PPP4C: variants seen among roughly 807,000 people sequenced by gnomAD.
PPP4C encodes protein phosphatase 4 catalytic subunit.
In PPP4C, 10 loss-of-function variants were observed where a neutral mutation model predicts 40.5. The observed-to-expected ratio is 0.25, with a 90% CI of 0.15 to 0.42. The LOEUF is 0.42. Ranked by LOEUF, PPP4C falls within the 10% of genes least tolerant of loss-of-function variation. The pLI is 1.00. For missense variants in PPP4C, 191 were observed against 416.4 expected (o/e 0.46, Z 4.71); for synonymous variants, 187 against 163.6 (o/e 1.14, Z -1.09).
At chr16:30,076,253 G>T (rs980321708) in intron 1 of PPP4C, 62 bp from the exon 2 acceptor site, 5 of 963,148 alleles carry the variant, frequency 5.2e-6, no homozygotes, top group Non-Finnish European at 7.7e-6. Context: ...CTCTAGAATC[G>T]AGTTGTCCGC....
Position 30,083,416 on chromosome 16 carries a change from C to T in PPP4C, c.326C>T (p.Thr109Ile), listed in dbSNP as rs1225459730. The T allele has an allele frequency of 6.2e-7, 1 of 1,613,640 alleles. No homozygotes were observed. The highest frequency in any genetic ancestry group is 1.3e-5 in the African/African-American group (1 of 74,934). The change falls in exon 6 of 9, where the codon ACA becomes ATA. Residue 109 changes from threonine to isoleucine, a missense_variant. This residue lies in a region of PPP4C where 171 missense variants were observed against 352.4 expected (regional missense o/e 0.49). Transcript: ENST00000279387. The surrounding 1 kb of genome is among the most constrained non-coding windows in gnomAD (Gnocchi z 6.3). ...ALKVRYPDRITLIRGNHESRQ... is the reference protein window; with the variant it reads ...ALKVRYPDRIILIRGNHESRQ... ...CAGGTTCGCTATCCTGATCGCATCACACTGATCCGGGGCAACCATGAGAGT... is the reference window on the plus strand; with the variant it reads ...CAGGTTCGCTATCCTGATCGCATCATACTGATCCGGGGCAACCATGAGAGT...
intron 2 of PPP4C, 46 bp downstream of exon 2, chr16:30,076,521 G>A: frequency 6.4e-7 from 1 of 1,556,646 alleles, no homozygotes; most frequent in East Asian, 2.4e-5. Flanking sequence ...CGCCGCCCAC[G>A]GGTTCTGGCC....
chr16:30,079,151 G>C (rs1278268233), intron 2 of PPP4C, among the ~76,000 whole-genome samples: 1 of 151,794 alleles, frequency 6.6e-6, no homozygotes, highest in Non-Finnish European at 1.5e-5. Flanking sequence ...TGGTGACCTT[G>C]ACCCTCCCGC....
rs1280823454 is a variant in PPP4C, at chr16:30,082,904, TTA to T, written c.303+58_303+59del. Reference sequence around the variant, plus strand: ...TGGGCGACCTCGGGCCGGGCCTGTCTTAGTCCGTTCCGCCCTCATCTCCTATC... The same window carrying T: ...TGGGCGACCTCGGGCCGGGCCTGTCTGTCCGTTCCGCCCTCATCTCCTATC... On this transcript the variant is annotated intron_variant, in intron 5 of 8. Transcript: ENST00000279387. 4 of 1,463,448 alleles carry T rather than the reference TTA, an allele frequency of 2.7e-6. No individual in the cohort carries two copies. The South Asian group carries it at 4.6e-5, about 17-fold the overall frequency. The allele number at this position is 1,463,448 out of a possible 1,614,324, so 90.7% of individuals were successfully genotyped here. A position where few individuals can be genotyped will look rare whatever the true frequency, so the allele number is the denominator to read the frequency against.
intron 7 of PPP4C, 140 bp from the exon 8 acceptor site, chr16:30,084,526 C>T: frequency 1.3e-6 from 1 of 748,528 alleles, no homozygotes; most frequent in Non-Finnish European, 2.3e-6. Context: ...ATCCCACAGA[C>T]CATATTCAGG....
intron 2 of PPP4C, 126 bp from the exon 3 acceptor site, chr16:30,081,131 CTG>C (rs2072497633): frequency 2.3e-6 from 3 of 1,323,030 alleles, no homozygotes; most frequent in African/African-American, 2.9e-5. Context: ...TTTGGGGAGA[CTG>C]TACGCTTCAC....
chr16:30,077,390 A>C (rs2072422158), intron 2 of PPP4C, among the ~76,000 whole-genome samples: 1 of 152,184 alleles, frequency 6.6e-6, no homozygotes, highest in Non-Finnish European at 1.5e-5. Flanking sequence ...GAGGGCAATA[A>C]TGAGATGGGC....
chr16:30,083,365 G>A lies in PPP4C; in HGVS notation c.304-29G>A, dbSNP rs765360097. The A allele has an allele frequency of 9.9e-5, 158 of 1,596,656 alleles. 2 individuals carry two copies. Among genetic ancestry groups the A allele is most frequent in the Non-Finnish European group, 1.3e-4 (147 of 1,170,994 alleles). On this transcript the variant is annotated intron_variant, in intron 5 of 8. Coordinates refer to ENST00000279387, the MANE Select transcript of PPP4C (RefSeq NM_002720.3). This position sits in a 1 kb window ranked among gnomAD's most constrained non-coding sequence, Gnocchi z 6.3. ...GGATGTGTGGAGAGACCGTCTAGGC[G>A]CCAGCCCTGGCTTGGTGGCCACCCC... is the stretch of plus-strand genomic sequence containing the variant.
chr16:30,084,564 G>A lies in PPP4C; in HGVS notation c.605-102G>A, dbSNP rs2072581974. 4.6e-6 allele frequency: 5 copies of A among 1,076,574 alleles called. No individual in the cohort carries two copies. The African/African-American group carries it at 6.3e-5, about 13-fold the overall frequency. 66.7% of individuals were successfully genotyped at this position (1,076,574 alleles called of 1,614,324 possible). A position where few individuals can be genotyped will look rare whatever the true frequency, so the allele number is the denominator to read the frequency against. On this transcript the variant is annotated intron_variant, in intron 7 of 8. Transcript: ENST00000279387. ...CCATGCTCTGGTCCCACGGGCCTCT[G>A]GTGGACTTGGGGAGGGGCCAGGCTG...
intron 2 of PPP4C, among the ~76,000 whole-genome samples, chr16:30,077,537 C>A (rs573537578): frequency 5.3e-5 from 8 of 152,070 alleles, no homozygotes; most frequent in Admixed American, 1.3e-4. Context: ...CCCTGAGATG[C>A]GTGGGGAACA....
chr16:30,084,198 G>GAC (rs1200853457), intron 7 of PPP4C, among the ~76,000 whole-genome samples: 1 of 151,944 alleles, frequency 6.6e-6, no homozygotes, highest in African/African-American at 2.4e-5. Context: ...CTCCAGCGCA[G>GAC]ACACACACAC....
chr16:30,079,758 C>G (rs886427379), intron 2 of PPP4C, among the ~76,000 whole-genome samples: 2 of 152,172 alleles, frequency 1.3e-5, no homozygotes, highest in Non-Finnish European at 2.9e-5. Flanking sequence ...GAAACTCATT[C>G]TAAGGGAAGA....
intron 7 of PPP4C, 38 bp from the exon 8 acceptor site, chr16:30,084,628 T>C (rs764509873): frequency 1.3e-6 from 2 of 1,599,446 alleles, no homozygotes; most frequent in South Asian, 1.1e-5. Context: ...CAGAGAAGCC[T>C]GAGGACATCC....
Position 30,083,193 on chromosome 16 carries a change from G to A in PPP4C, c.304-201G>A, listed in dbSNP as rs2072543733. 3.1e-6 allele frequency: 2 copies of A among 653,610 alleles called. No individual in the cohort carries two copies. Among genetic ancestry groups the A allele is most frequent in the Non-Finnish European group, 5.3e-6 (2 of 377,524 alleles). The allele number at this position is 653,610 out of a possible 1,614,324, so 40.5% of individuals were successfully genotyped here. A position where few individuals can be genotyped will look rare whatever the true frequency, so the allele number is the denominator to read the frequency against. On this transcript the variant is annotated intron_variant, in intron 5 of 8. Transcript: ENST00000279387. This position sits in a 1 kb window ranked among gnomAD's most constrained non-coding sequence, Gnocchi z 6.3. Reference sequence around the variant, plus strand: ...GAAGAGCCATTAGGTTCATAGTTGAGGGAATGGGTCAGCTTTACATTCTCT... The same window carrying A: ...GAAGAGCCATTAGGTTCATAGTTGAAGGAATGGGTCAGCTTTACATTCTCT...
rs979393674 is a variant in PPP4C at position 30,083,407 on chromosome 16, A to G, written c.317A>G (p.Asp106Gly). 1 of 1,612,944 alleles carries G rather than the reference A, an allele frequency of 6.2e-7. No individual in the cohort carries two copies. ...GGCCACCCCCAGGTTCGCTATCCTG[A>G]TCGCATCACACTGATCCGGGGCAAC... Reference protein sequence around the residue: ...LLLALKVRYPDRITLIRGNHE... With the variant: ...LLLALKVRYPGRITLIRGNHE... Residue 106 changes from aspartate (D) to glycine (G), a missense_variant, in exon 6 of 9, where the codon GAT becomes GGT. By Grantham distance (94) the Asp-to-Gly change is moderately conservative. Around this residue, in one of 3 missense-constraint regions of PPP4C, gnomAD observed 171 missense variants for 352.4 expected, o/e 0.49. Coordinates refer to ENST00000279387, the MANE Select transcript of PPP4C (RefSeq NM_002720.3). This position sits in a 1 kb window ranked among gnomAD's most constrained non-coding sequence, Gnocchi z 6.3.
intron 2 of PPP4C, among the ~76,000 whole-genome samples, chr16:30,079,552 A>G (rs1465183195): frequency 6.6e-6 from 1 of 152,290 alleles, no homozygotes; most frequent in Non-Finnish European, 1.5e-5. Context: ...TGGAAAGGTC[A>G]CTATGAGCAG....
chr16:30,084,905 C>T, intron 8 of PPP4C, 28 bp from the exon 9 acceptor site: 1 of 1,613,884 alleles, frequency 6.2e-7, no homozygotes, highest in African/African-American at 1.3e-5. Flanking sequence ...AGCCGAGCTG[C>T]TCCTGACCCT....
At chr16:30,081,385 T>G in intron 3 of PPP4C, 75 bp downstream of exon 3, 1 of 1,248,846 alleles carries the variant, frequency 8.0e-7, no homozygotes, top group East Asian at 2.3e-5. Context: ...TCTTGGGGGC[T>G]CTATAAGCCC....
chr16:30,085,076 C>CT lies in PPP4C; in HGVS notation c.*15dup. 1 of 1,612,602 alleles carries CT rather than the reference C, an allele frequency of 6.2e-7. No individual in the cohort carries two copies. The highest frequency in any genetic ancestry group is 8.5e-7 in the Non-Finnish European group (1 of 1,179,496). ...TACTTCCTGTGACCCCGCCCGGCCC[C>CT]TGCCCCCTCCAACCCTTCTGGCCCT... On this transcript the variant is annotated 3_prime_UTR_variant, in exon 9 of 9. Transcript: ENST00000279387.
Sources: gnomAD v4.1 joint callset for allele counts (sites outside exome capture counted in the v4.1 genomes callset) on GRCh38, gnomAD v4.1.1 for gene constraint, gnomAD v4.1.1 regional missense constraint, Gnocchi (gnomAD v3.1) non-coding constraint, MANE v1.5 for transcripts, NCBI Gene and HGNC (gene_info 2026-07-23, HGNC 2026-07-21) for gene names.